MYH16: variants seen among roughly 807,000 people sequenced by gnomAD.
MYH16 encodes the protein myosin heavy chain 16, also known as putative uncharacterized protein MYH16.
intron 21 of MYH16, 128 bp from the exon 4 acceptor site, chr7:99,279,380 AAG>A: frequency 5.7e-5 from 19 of 332,950 alleles, no homozygotes; most frequent in South Asian, 1.5e-4. Flanking sequence ...AAAAAAAAAA[AAG>A]GAGCTCGAGA....
chr7:99,295,408 C>T (rs1040744415), intron 33 of MYH16, among the ~76,000 whole-genome samples: 2 of 152,064 alleles, frequency 1.3e-5, no homozygotes, highest in African/African-American at 4.8e-5. Flanking sequence ...TTACATGATG[C>T]ACCTTCCCTG....
intron 11 of MYH16, chr7:99,260,131 G>C (rs1791923706): frequency 2.1e-5 from 32 of 1,557,286 alleles, no homozygotes; most frequent in Non-Finnish European, 2.7e-5. Context: ...TGCCTGTGCT[G>C]ACGCCCCTCT....
chr7:99,267,712 G>A (rs533467022), intron 18 of MYH16, among the ~76,000 whole-genome samples: 11 of 152,292 alleles, frequency 7.2e-5, no homozygotes, highest in Non-Finnish European at 7.4e-5. Context: ...CATGGGGCCC[G>A]AGTTGCCCTG....
At chr7:99,291,907 C>CA (rs1487048236) in intron 31 of MYH16, among the ~76,000 whole-genome samples, 2 of 152,040 alleles carry the variant, frequency 1.3e-5, no homozygotes, top group Non-Finnish European at 2.9e-5. Flanking sequence ...CGCACCATTG[C>CA]ACTCCAGCCT....
intron 13 of MYH16, among the ~76,000 whole-genome samples, chr7:99,263,033 GGAGA>G (rs1791952488): frequency 6.6e-6 from 1 of 152,198 alleles, no homozygotes; most frequent in South Asian, 2.1e-4. Context: ...ACACAGCCCA[GGAGA>G]GAGTAGCAGG....
chr7:99,251,531 G>A (rs1791809047), intron 6 of MYH16, among the ~76,000 whole-genome samples: 2 of 152,152 alleles, frequency 1.3e-5, no homozygotes, highest in Admixed American at 1.3e-4. Context: ...TTTTTCAATT[G>A]TGCGAAAACA....
chr7:99,297,134 T>TC (rs1792511254), intron 34 of MYH16, among the ~76,000 whole-genome samples: 1 of 152,152 alleles, frequency 6.6e-6, no homozygotes, highest in Non-Finnish European at 1.5e-5. Context: ...TTTCCTCATC[T>TC]ATAAAATGAG....
chr7:99,271,601 T>C (rs73407278), intron 19 of MYH16, among the ~76,000 whole-genome samples: 12,941 of 152,288 alleles, frequency 0.085, 829 homozygotes, highest in African/African-American at 0.18. Flanking sequence ...TAAAAATTTT[T>C]TTACTGATAC....
At chr7:99,243,977 TCATCCATC>T (rs547422876) in intron 2 of MYH16, among the ~76,000 whole-genome samples, 1 of 148,254 alleles carries the variant, frequency 6.7e-6, no homozygotes, top group Non-Finnish European at 1.5e-5. Context: ...ATCCAAACAT[TCATCCATC>T]CATCCATCCA....
intron 4 of MYH16, chr7:99,249,034 ATC>A (rs1791775536): frequency 6.6e-6 from 1 of 152,660 alleles, no homozygotes; most frequent in Non-Finnish European, 1.5e-5. Context: ...TGTCTCTTCC[ATC>A]TCTGTCTATA....
At chr7:99,260,147 CCCT>C in intron 11 of MYH16, 2 of 1,590,326 alleles carry the variant, frequency 1.3e-6, no homozygotes, top group Non-Finnish European at 1.7e-6. Flanking sequence ...CCTCTTTCTG[CCCT>C]CCTGCCGCCA....
Position 99,277,057 on chromosome 7 carries a change from CACAG to C in MYH16, n.2486-480_2486-477del, listed in dbSNP as rs1562780153. ...AGAGAGACACAGAGAGAGAGAGAGA[CACAG>C]AGAGAGAGAGAGAAACAGTGGGCGA... On this transcript the variant is annotated intron_variant and non_coding_transcript_variant, in intron 20 of 41. Coordinates refer to ENST00000439784, the Ensembl canonical transcript of MYH16. Among the ~76,000 whole-genome samples the C allele has an allele frequency of 5.6e-5, 6 of 107,578 alleles. No homozygotes were observed. The African/African-American group carries it at 6.8e-4, about 12-fold the overall frequency. 70.6% of individuals were successfully genotyped at this position (107,578 alleles called of 152,430 possible).
At chr7:99,290,629 G>A (rs1792357831) in intron 30 of MYH16, among the ~76,000 whole-genome samples, 2 of 151,754 alleles carry the variant, frequency 1.3e-5, no homozygotes, top group Non-Finnish European at 2.9e-5. Flanking sequence ...GTAAAACCCG[G>A]TCTCTACTAA....
chr7:99,263,026 C>A (rs1791952378), intron 13 of MYH16, among the ~76,000 whole-genome samples: 1 of 152,188 alleles, frequency 6.6e-6, no homozygotes, highest in African/African-American at 2.4e-5. Flanking sequence ...GAAGGTCACA[C>A]AGCCCAGGAG....
chr7:99,297,261 G>A (rs1251091675), intron 34 of MYH16, among the ~76,000 whole-genome samples: 4 of 151,650 alleles, frequency 2.6e-5, no homozygotes, highest in South Asian at 2.1e-4. Context: ...GTGAAACCCC[G>A]TCTCTACTAA....
chr7:99,288,066 A>G (rs1445929617), exon 29 of MYH16: 2 of 456,656 alleles, frequency 4.4e-6, no homozygotes, highest in African/African-American at 4.0e-5. Flanking sequence ...CAAGCTAGAG[A>G]AAGATAAACA....
intron 1 of MYH16, among the ~76,000 whole-genome samples, chr7:99,242,531 G>A (rs1262492394): frequency 2.0e-5 from 3 of 152,112 alleles, no homozygotes; most frequent in Admixed American, 1.3e-4. Flanking sequence ...CCAGCTACTC[G>A]GGAGGCTGAG....
chr7:99,306,855 C>G (rs1414609781), downstream of MYH16: 1 of 152,502 alleles, frequency 6.6e-6, no homozygotes, highest in African/African-American at 2.4e-5. Flanking sequence ...GGACTCCGCT[C>G]TGGACGGTCT....
chr7:99,282,421 G>A (rs961955320), intron 23 of MYH16, among the ~76,000 whole-genome samples: 1 of 152,052 alleles, frequency 6.6e-6, no homozygotes, highest in Non-Finnish European at 1.5e-5. Context: ...TGCTCCTAGG[G>A]AAAATATAGG....
Sources: allele counts gnomAD v4.1 joint callset (sites outside exome capture counted in the v4.1 genomes callset), GRCh38; gene constraint gnomAD v4.1.1; transcripts MANE v1.5; gene names NCBI Gene and HGNC (gene_info 2026-07-23, HGNC 2026-07-21).